Variants in CNTN4 observed in about 807,000 individuals in gnomAD.
CNTN4 encodes contactin 4.
CNTN4 carries 77 observed loss-of-function variants against 122.5 expected under a neutral mutation model. The observed-to-expected ratio is 0.63, with a 90% CI of 0.52 to 0.76. The LOEUF (loss-of-function observed/expected upper bound fraction) is 0.76, where lower values mean the gene tolerates loss of function less well. Ranked by LOEUF, CNTN4 falls within the 30% of genes least tolerant of loss-of-function variation. The probability of loss-of-function intolerance (pLI) is 0.00; values close to 1 mark genes in which losing one functional copy is unlikely to be tolerated. For synonymous variants in CNTN4, 512 were observed against 447.0 expected, an observed-to-expected ratio of 1.15 and a Z score of -1.83; for missense variants, 1,256 against 1,259.1, an observed-to-expected ratio of 1.00 and a Z score of 0.04.
At chr3:2,690,404 T>C (rs987900219) in intron 4 of CNTN4, among the ~76,000 whole-genome samples, 4 of 152,128 alleles carry the variant, frequency 2.6e-5, no homozygotes, top group African/African-American at 9.7e-5. Context: ...ATTGTCCAGA[T>C]ACGTAGCCCC....
intron 4 of CNTN4, among the ~76,000 whole-genome samples, chr3:2,574,929 A>G (rs2079591513): frequency 6.6e-6 from 1 of 152,104 alleles, no homozygotes; most frequent in Non-Finnish European, 1.5e-5. Context: ...AAGTAAAAAT[A>G]AAGGGCCTGT....
At chr3:2,510,846 G>A (rs2076866666) in intron 3 of CNTN4, among the ~76,000 whole-genome samples, 1 of 152,062 alleles carries the variant, frequency 6.6e-6, no homozygotes, top group Admixed American at 6.5e-5. Context: ...AAGGAGGAGT[G>A]TTCTTACAGT....
chr3:2,863,444 C>CTTTTTTTTTTTTTTTT (rs5846228), intron 7 of CNTN4, among the ~76,000 whole-genome samples: 2 of 92,364 alleles, frequency 2.2e-5, no homozygotes, highest in Non-Finnish European at 4.1e-5. Context: ...ATGGTTTCTT[C>CTTTTTTTTTTTTTTTT]TTTTTTTTTT....
chr3:2,315,073 A>G (rs1373854109), intron 2 of CNTN4, among the ~76,000 whole-genome samples: 7 of 152,248 alleles, frequency 4.6e-5, no homozygotes, highest in African/African-American at 1.4e-4. Context: ...CATCAAAAAG[A>G]AACATGCATA....
intron 12 of CNTN4, among the ~76,000 whole-genome samples, chr3:2,922,303 G>C (rs888529572): frequency 6.6e-6 from 1 of 152,142 alleles, no homozygotes; most frequent in Admixed American, 6.6e-5. Flanking sequence ...ATGTCAAATA[G>C]AACAGGTCCC....
intron 8 of CNTN4, among the ~76,000 whole-genome samples, chr3:2,876,430 A>G (rs2093845483): frequency 7.8e-6 from 1 of 128,430 alleles, no homozygotes; most frequent in Non-Finnish European, 1.6e-5. Context: ...GTTTCTCAAG[A>G]AAGTCAATGT....
At chr3:2,111,735 T>C (rs548072906) in intron 2 of CNTN4, among the ~76,000 whole-genome samples, 50 of 152,262 alleles carry the variant, frequency 3.3e-4, no homozygotes, top group African/African-American at 1.2e-3. Context: ...AATGGAGGAA[T>C]TCCTGTAGGG....
At chr3:2,849,136 C>T (rs2093504008) in intron 7 of CNTN4, among the ~76,000 whole-genome samples, 1 of 152,182 alleles carries the variant, frequency 6.6e-6, no homozygotes, top group Non-Finnish European at 1.5e-5. Flanking sequence ...GTCCTGGAAA[C>T]ATGAGCAGGA....
chr3:3,044,510 C>T (rs1290166099), intron 23 of CNTN4, among the ~76,000 whole-genome samples: 1 of 152,154 alleles, frequency 6.6e-6, no homozygotes, highest in Non-Finnish European at 1.5e-5. Context: ...CCACGGATAA[C>T]CTGGGCTTCC....
chr3:2,425,049 T>G (rs892354497), intron 3 of CNTN4, among the ~76,000 whole-genome samples: 1 of 152,210 alleles, frequency 6.6e-6, no homozygotes, highest in Non-Finnish European at 1.5e-5. Flanking sequence ...TAGTTTCTTT[T>G]GCTGTGCAGA....
intron 3 of CNTN4, among the ~76,000 whole-genome samples, chr3:2,451,779 C>T (rs1385793242): frequency 1.3e-5 from 2 of 151,978 alleles, no homozygotes; most frequent in African/African-American, 2.4e-5. Flanking sequence ...ATGTAATATG[C>T]CTTCCCAGGT....
intron 2 of CNTN4, among the ~76,000 whole-genome samples, chr3:2,234,816 T>C (rs184245733): frequency 2.0e-3 from 299 of 152,324 alleles, no homozygotes; most frequent in Admixed American, 4.1e-3. Flanking sequence ...GTAGCACCAA[T>C]TTCTTTGCCA....
chr3:2,692,097 C>CTTAAA (rs5846208), intron 4 of CNTN4, among the ~76,000 whole-genome samples: 44,002 of 151,836 alleles, frequency 0.29, 6,608 homozygotes, highest in South Asian at 0.49. Context: ...ATCTCAGATT[C>CTTAAA]TTAAACTTAA....
chr3:3,020,577 G>T (rs1254139401), intron 14 of CNTN4, among the ~76,000 whole-genome samples: 6 of 152,104 alleles, frequency 3.9e-5, no homozygotes. Flanking sequence ...CTCTCTGAGG[G>T]CGCCCACCTC....
intron 2 of CNTN4, among the ~76,000 whole-genome samples, chr3:2,281,120 C>G (rs147998036): frequency 1.5e-3 from 234 of 152,248 alleles, no homozygotes; most frequent in African/African-American, 5.3e-3. Flanking sequence ...GAGGTTTCAC[C>G]TCCTCATTTC....
chr3:2,756,822 A>G (rs1162784193), intron 6 of CNTN4, among the ~76,000 whole-genome samples: 1 of 152,186 alleles, frequency 6.6e-6, no homozygotes, highest in East Asian at 1.9e-4. Flanking sequence ...ATTCTCTCCT[A>G]GAGCCTTCGA....
At chr3:2,266,805 G>T (rs960845165) in intron 2 of CNTN4, among the ~76,000 whole-genome samples, 1 of 152,106 alleles carries the variant, frequency 6.6e-6, no homozygotes, top group East Asian at 1.9e-4. Context: ...GTCAACAGCA[G>T]AATAGCAGCT....
intron 2 of CNTN4, among the ~76,000 whole-genome samples, chr3:2,182,255 CTCTG>C (rs888036321): frequency 2.0e-5 from 3 of 151,792 alleles, no homozygotes; most frequent in African/African-American, 7.3e-5. Flanking sequence ...TTCTCTATTT[CTCTG>C]TCTTTTTACA....
At chr3:2,880,640 A>G (rs748480187) in intron 8 of CNTN4, among the ~76,000 whole-genome samples, 5 of 152,204 alleles carry the variant, frequency 3.3e-5, no homozygotes, top group Admixed American at 6.5e-5. Flanking sequence ...GCTAGCCCAG[A>G]AAGGAGGAAT....
Sources: gnomAD v4.1 joint callset for allele counts (sites outside exome capture counted in the v4.1 genomes callset) on GRCh38, gnomAD v4.1.1 for gene constraint, MANE v1.5 for transcripts, NCBI Gene and HGNC (gene_info 2026-07-23, HGNC 2026-07-21) for gene names.